SGIP1: variants seen among roughly 807,000 people sequenced by gnomAD.
The protein encoded by SGIP1 is SH3-containing GRB2-like protein 3-interacting protein 1.
In SGIP1, 38 loss-of-function variants were observed where a neutral mutation model predicts 107.5. The observed-to-expected ratio is 0.35, with a 90% confidence interval of 0.27 to 0.46. The LOEUF is 0.46. Ranked by LOEUF, SGIP1 falls within the 20% of genes least tolerant of loss-of-function variation. The pLI, the probability that SGIP1 is intolerant of heterozygous loss-of-function variation, is 1.00. For missense variants in SGIP1, 929 were observed against 1,019.5 expected (o/e 0.91, Z 1.21); for synonymous variants, 365 against 366.1 (o/e 1.00, Z 0.03).
At chr1:66,619,948 TGA>T (rs2070515432) in intron 1 of SGIP1, among the ~76,000 whole-genome samples, 1 of 152,240 alleles carries the variant, frequency 6.6e-6, no homozygotes, top group African/African-American at 2.4e-5. Flanking sequence ...CTTTGGAGTA[TGA>T]GACTTTGATG....
At chr1:66,733,546 G>T (rs186273714) in intron 20 of SGIP1, among the ~76,000 whole-genome samples, 4 of 152,106 alleles carry the variant, frequency 2.6e-5, no homozygotes, top group Non-Finnish European at 2.9e-5. Context: ...GCTCCTCCTC[G>T]TGGATATTAA....
chr1:66,634,259 C>T, intron 3 of SGIP1: 1 of 895,688 alleles, frequency 1.1e-6, no homozygotes, highest in East Asian at 2.6e-5. Flanking sequence ...CTGTTAGCTA[C>T]TCTGCTTTCT....
chr1:66,679,825 A>T, intron 14 of SGIP1, 73 bp downstream of exon 14: 1 of 1,361,428 alleles, frequency 7.3e-7, no homozygotes, highest in Non-Finnish European at 9.9e-7. Flanking sequence ...CATGCCCTTG[A>T]TGTGTTGAAA....
At chr1:66,722,151 C>T (rs1375273519) in intron 19 of SGIP1, among the ~76,000 whole-genome samples, 1 of 152,150 alleles carries the variant, frequency 6.6e-6, no homozygotes, top group African/African-American at 2.4e-5. Context: ...TTCCATCACC[C>T]CAACCCACCT....
At chr1:66,651,044 A>C (rs570527001) in intron 7 of SGIP1, among the ~76,000 whole-genome samples, 1 of 152,324 alleles carries the variant, frequency 6.6e-6, no homozygotes, top group East Asian at 1.9e-4. Context: ...CCCACTTCAT[A>C]GGATATTTGT....
Position 66,733,850 on chromosome 1 carries a change from A to G in SGIP1, c.2001A>G (p.Thr667=), listed in dbSNP as rs774493757. 1.4e-5 allele frequency: 23 copies of G among 1,613,394 alleles called. 1 individual carries two copies. The South Asian group carries it at 2.1e-4, about 15-fold the overall frequency. The change falls in exon 21 of 25, where the codon ACA becomes ACG. Residue 667 remains threonine (T), a synonymous_variant. Transcript: ENST00000371037. Reference sequence around the variant, plus strand: ...TGTCTGAACAAAAACCCCAGGCTACATATTATAACGTTGACATGCTCAAAT... The same window carrying G: ...TGTCTGAACAAAAACCCCAGGCTACGTATTATAACGTTGACATGCTCAAAT... ...KKVSEQKPQA[T]YYNVDMLKYQ... is the part of the protein sequence containing the mutation.
chr1:66,613,288 C>T (rs891542571), intron 1 of SGIP1, among the ~76,000 whole-genome samples: 1 of 152,126 alleles, frequency 6.6e-6, no homozygotes, highest in Admixed American at 6.5e-5. Context: ...CTCTCTAGTA[C>T]TTTCAACGAC....
At chr1:66,617,547 G>A (rs533320710) in intron 1 of SGIP1, among the ~76,000 whole-genome samples, 76 of 152,292 alleles carry the variant, frequency 5.0e-4, no homozygotes, top group Middle Eastern at 3.4e-3. Context: ...ATTGTGCCCA[G>A]GGCAATTAAA....
At chr1:66,665,043 A>G (rs2082252531) in intron 8 of SGIP1, among the ~76,000 whole-genome samples, 2 of 152,218 alleles carry the variant, frequency 1.3e-5, no homozygotes, top group Admixed American at 6.5e-5. Context: ...TTACATATGT[A>G]TACATGGTGC....
At position 66,681,971 on chromosome 1, in the gene SGIP1, T is replaced by C. The variant is rs1571752543; in HGVS notation, c.917T>C (p.Val306Ala). 1 of 1,614,202 alleles carries C rather than the reference T, an allele frequency of 6.2e-7. No individual in the cohort carries two copies. Among genetic ancestry groups the C allele is most frequent in the Non-Finnish European group, 8.5e-7 (1 of 1,180,036 alleles). Reference sequence around the variant, plus strand: ...GTATTGTCCCCCAAGTCTGTTGCTGTTAATGCTGAAGAAAAGTGGGTCCAT... The same window carrying C: ...GTATTGTCCCCCAAGTCTGTTGCTGCTAATGCTGAAGAAAAGTGGGTCCAT... ...GPVLSPKSVA[V>A]NAEEKWVHFS... Residue 306 changes from valine (V) to alanine (A), a missense_variant, in exon 15 of 25, where the codon GTT becomes GCT. Val to Ala is a moderately conservative substitution (Grantham distance 64). Around this residue, in one of 2 missense-constraint regions of SGIP1, gnomAD observed 588 missense variants for 588.6 expected, o/e 1.00. Transcript: ENST00000371037.
At chr1:66,707,759 C>T (rs925776454) in intron 18 of SGIP1, among the ~76,000 whole-genome samples, 5 of 152,132 alleles carry the variant, frequency 3.3e-5, no homozygotes, top group South Asian at 4.1e-4. Context: ...ACATCTTTGG[C>T]CCTTTTAAGC....
chr1:66,559,509 T>C (rs889894739), intron 1 of SGIP1, among the ~76,000 whole-genome samples: 2 of 152,028 alleles, frequency 1.3e-5, no homozygotes, highest in African/African-American at 4.8e-5. Context: ...AAGGAGGACA[T>C]TTATTATTTT....
chr1:66,572,909 A>T (rs2060571330), intron 1 of SGIP1, among the ~76,000 whole-genome samples: 1 of 152,148 alleles, frequency 6.6e-6, no homozygotes. Context: ...TACATATTAT[A>T]ACAGGGTAAG....
chr1:66,604,513 C>A (rs1558042246), intron 1 of SGIP1, among the ~76,000 whole-genome samples: 1 of 152,160 alleles, frequency 6.6e-6, no homozygotes, highest in Admixed American at 6.5e-5. Context: ...GCTGTGTAAA[C>A]TTCAATCTGA....
chr1:66,733,718 A>G (rs1232826650), intron 20 of SGIP1, 30 bp from the exon 21 acceptor site: 1 of 1,604,608 alleles, frequency 6.2e-7, no homozygotes, highest in Admixed American at 1.7e-5. Flanking sequence ...TTAAGATGCT[A>G]CTCAATCATT....
intron 18 of SGIP1, among the ~76,000 whole-genome samples, chr1:66,696,239 CA>C (rs1471274185): frequency 1.3e-5 from 2 of 152,148 alleles, no homozygotes; most frequent in African/African-American, 4.8e-5. Context: ...ACAGGCCAGT[CA>C]TTTGATTAAA....
At chr1:66,620,983 T>C (rs1023581428) in intron 1 of SGIP1, among the ~76,000 whole-genome samples, 2 of 152,142 alleles carry the variant, frequency 1.3e-5, no homozygotes, top group Non-Finnish European at 2.9e-5. Context: ...TCATGCAACA[T>C]GGGGAGGTGA....
chr1:66,569,438 A>G (rs1360650941), intron 1 of SGIP1, among the ~76,000 whole-genome samples: 1 of 151,918 alleles, frequency 6.6e-6, no homozygotes, highest in African/African-American at 2.4e-5. Context: ...TTTTTTAATC[A>G]GAAATGGGTG....
intron 1 of SGIP1, among the ~76,000 whole-genome samples, chr1:66,565,615 A>G (rs1350105499): frequency 6.6e-6 from 1 of 151,988 alleles, no homozygotes. Context: ...GAGATTTCTA[A>G]AATTGGAGGT....
Sources: gnomAD v4.1 joint callset for allele counts (sites outside exome capture counted in the v4.1 genomes callset) on GRCh38, gnomAD v4.1.1 for gene constraint, gnomAD v4.1.1 regional missense constraint, MANE v1.5 for transcripts, NCBI Gene and HGNC (gene_info 2026-07-23, HGNC 2026-07-21) for gene names.